The following JAM2 variants were observed in gnomAD, a reference collection of about 807,000 sequenced individuals.
JAM2 encodes the protein junctional adhesion molecule B.
JAM2 carries 17 observed loss-of-function variants against 42.0 expected under a neutral mutation model. The ratio of observed to expected loss-of-function variants is 0.40; its 90% confidence interval spans 0.28 to 0.61. The LOEUF (loss-of-function observed/expected upper bound fraction) is 0.61, where lower values mean the gene tolerates loss of function less well. JAM2 is among the 20% of genes least tolerant of loss of function. The pLI is 0.37. For synonymous variants in JAM2, 118 were observed against 128.6 expected (o/e 0.92, Z 0.56); for missense variants, 319 against 358.3 (o/e 0.89, Z 0.89).
At chr21:25,702,815 A>G (rs2034194622) in intron 6 of JAM2, among the ~76,000 whole-genome samples, 1 of 152,098 alleles carries the variant, frequency 6.6e-6, no homozygotes, top group Non-Finnish European at 1.5e-5. Context: ...TCCTTTATTC[A>G]CATACGTCCC....
chr21:25,677,386 G>A (rs2033523142), intron 1 of JAM2, among the ~76,000 whole-genome samples: 1 of 151,974 alleles, frequency 6.6e-6, no homozygotes, highest in Admixed American at 6.6e-5. Flanking sequence ...AAATGTACAA[G>A]GGAATTAACA....
In JAM2 at chr21:25,715,985, CTTTTTTTTTT is replaced by C. The variant is rs778687865; in HGVS notation, c.*1323_*1332del. Reference sequence around the variant, plus strand: ...ATGAACATGATGGTTAATCTTCTTTCTTTTTTTTTTTTTTTTTTTGAGACGGAGTCTCACT... The same window carrying C: ...ATGAACATGATGGTTAATCTTCTTTCTTTTTTTTTGAGACGGAGTCTCACT... On this transcript the variant is annotated 3_prime_UTR_variant, in exon 10 of 10. Coordinates refer to ENST00000480456, the MANE Select transcript of JAM2 (RefSeq NM_021219.4). The C allele has an allele frequency of 8.5e-6, 1 of 117,256 alleles. No homozygotes were observed. The highest frequency in any genetic ancestry group is 1.7e-5 in the Non-Finnish European group (1 of 58,988). 7.3% of individuals were successfully genotyped at this position (117,256 alleles called of 1,614,324 possible). A position where few individuals can be genotyped will look rare whatever the true frequency, so the allele number is the denominator to read the frequency against.
intron 1 of JAM2, among the ~76,000 whole-genome samples, chr21:25,666,938 A>G (rs1276813194): frequency 6.6e-6 from 1 of 152,234 alleles, no homozygotes; most frequent in African/African-American, 2.4e-5. Flanking sequence ...TTGTTGCAGC[A>G]TAATGTGAAA....
chr21:25,680,527 T>C (rs2033604690), intron 1 of JAM2, among the ~76,000 whole-genome samples: 1 of 152,170 alleles, frequency 6.6e-6, no homozygotes, highest in Non-Finnish European at 1.5e-5. Context: ...GAGATGGGAT[T>C]TGTAAAAATA....
At chr21:25,708,192 G>T (rs1356377664) in intron 7 of JAM2, among the ~76,000 whole-genome samples, 1 of 152,084 alleles carries the variant, frequency 6.6e-6, no homozygotes, top group East Asian at 1.9e-4. Context: ...AATATAAAAT[G>T]TGTTCCTAAT....
At chr21:25,655,861 G>A (rs960513083) in intron 1 of JAM2, among the ~76,000 whole-genome samples, 4 of 150,536 alleles carry the variant, frequency 2.7e-5, no homozygotes, top group Non-Finnish European at 5.9e-5. Context: ...TGCAAATTAT[G>A]TTTGAATAGT....
At chr21:25,690,437 T>C (rs1262157347) in intron 3 of JAM2, among the ~76,000 whole-genome samples, 1 of 152,072 alleles carries the variant, frequency 6.6e-6, no homozygotes, top group Non-Finnish European at 1.5e-5. Flanking sequence ...CAAGTTATCC[T>C]CCCATCTCAG....
chr21:25,672,666 T>G (rs1410855373), intron 1 of JAM2, among the ~76,000 whole-genome samples: 1 of 152,214 alleles, frequency 6.6e-6, no homozygotes, highest in Non-Finnish European at 1.5e-5. Context: ...CAAAGTCTGA[T>G]GCACCATCTC....
In JAM2 at chr21:25,685,935, T is replaced by C. The variant is rs1410395621; in HGVS notation, c.133+1987T>C. On this transcript the variant is annotated intron_variant, in intron 2 of 9. Coordinates refer to ENST00000480456, the MANE Select transcript of JAM2 (RefSeq NM_021219.4). Reference sequence around the variant, plus strand: ...AACTGGGTGCAGTGGATGTATATCCTCTCCCATCATATCTGAGTTAGGACA... The same window carrying C: ...AACTGGGTGCAGTGGATGTATATCCCCTCCCATCATATCTGAGTTAGGACA... Among the ~76,000 whole-genome samples the C allele has an allele frequency of 2.0e-5, 3 of 152,252 alleles. 1 individual carries two copies. The highest frequency in any genetic ancestry group is 6.5e-5 in the Admixed American group (1 of 15,280).
In JAM2 at chr21:25,685,920, A is replaced by C. The variant is rs537216161; in HGVS notation, c.133+1972A>C. On this transcript the variant is annotated intron_variant, in intron 2 of 9. Transcript: ENST00000480456. ...CTTAATGCTGGGTCCAACTGGGTGC[A>C]GTGGATGTATATCCTCTCCCATCAT... Among the ~76,000 whole-genome samples, 3 of 152,374 alleles carry C rather than the reference A, an allele frequency of 2.0e-5. No homozygotes were observed. In the East Asian group the frequency reaches 5.8e-4, roughly 29 times the overall value.
chr21:25,706,176 TTTG>T (rs1294382646), intron 7 of JAM2, 90 bp downstream of exon 7: 8 of 642,584 alleles, frequency 1.2e-5, no homozygotes, highest in Non-Finnish European at 2.0e-5. Context: ...AAGTTGTTTT[TTTG>T]TTTGTTTGTT....
chr21:25,681,076 A>T (rs2033620546), intron 1 of JAM2, among the ~76,000 whole-genome samples: 1 of 152,240 alleles, frequency 6.6e-6, no homozygotes, highest in Non-Finnish European at 1.5e-5. Context: ...TGGTAGCATG[A>T]GTGGAGAAAT....
Position 25,639,611 on chromosome 21 carries a change from T to A in JAM2, c.-211T>A. ...CCAAAACAGAACAGACCCCCATCCC[T>A]GGGCTGGAGGACCCGCCTCTTGGCA... On this transcript the variant is annotated 5_prime_UTR_variant, in exon 1 of 10. Transcript: ENST00000480456. 40 of 466,834 alleles carry A rather than the reference T, an allele frequency of 8.6e-5. No individual in the cohort carries two copies. The highest frequency in any genetic ancestry group is 1.1e-4 in the Non-Finnish European group (29 of 258,970). 28.9% of individuals were successfully genotyped at this position (466,834 alleles called of 1,614,324 possible). A position where few individuals can be genotyped will look rare whatever the true frequency, so the allele number is the denominator to read the frequency against.
intron 6 of JAM2, among the ~76,000 whole-genome samples, chr21:25,703,240 A>C (rs1449304149): frequency 6.6e-6 from 1 of 152,160 alleles, no homozygotes; most frequent in Non-Finnish European, 1.5e-5. Context: ...TTTAATTTAA[A>C]CATCTACCTT....
In JAM2 at chr21:25,715,676, G is replaced by A. The variant is rs529766441; in HGVS notation, c.*1004G>A. ...AAGCTCAGTATGACTCCCTGCATCT[G>A]GTACCCCTCTTGAAACACAGTGGGC... is the stretch of plus-strand genomic sequence containing the variant. On this transcript the variant is annotated 3_prime_UTR_variant, in exon 10 of 10. Transcript: ENST00000480456. 4 of 152,248 alleles carry A rather than the reference G, an allele frequency of 2.6e-5. No individual in the cohort carries two copies. The highest frequency in any genetic ancestry group is 9.6e-5 in the African/African-American group (4 of 41,548). 9.4% of individuals were successfully genotyped at this position (152,248 alleles called of 1,614,324 possible).
intron 1 of JAM2, among the ~76,000 whole-genome samples, chr21:25,677,119 T>G (rs184471043): frequency 3.9e-5 from 6 of 151,994 alleles, no homozygotes; most frequent in African/African-American, 1.4e-4. Context: ...ACGGCTACAC[T>G]AAAAGCCCAG....
At chr21:25,708,732 TTATC>T (rs2034322546) in intron 7 of JAM2, among the ~76,000 whole-genome samples, 1 of 152,222 alleles carries the variant, frequency 6.6e-6, no homozygotes, top group African/African-American at 2.4e-5. Context: ...CTTGTCATCT[TTATC>T]TATAGCCTAA....
chr21:25,712,377 GA>G lies in JAM2; in HGVS notation c.863del (p.Asn288MetfsTer10). On this transcript the variant is annotated frameshift_variant, in exon 9 of 10. Coordinates refer to ENST00000480456, the MANE Select transcript of JAM2 (RefSeq NM_021219.4). LOFTEE classifies it high-confidence loss of function. ...TTCATCTAAAGCCACGACAATGAGT[GA>G]AAATGTGAGTATCTTTAAAGCATAT... ...NSSSKATTMS[E>X]NDFKHTKSFI... 1 of 1,588,748 alleles carries G rather than the reference GA, an allele frequency of 6.3e-7. No homozygotes were observed.
intron 9 of JAM2, chr21:25,714,196 A>G (rs1476540201): frequency 7.7e-7 from 1 of 1,302,424 alleles, no homozygotes; most frequent in Non-Finnish European, 1.0e-6. Context: ...TCCCCATAAA[A>G]CAAGTTTAAT....
Sources: gnomAD v4.1 joint callset for allele counts (sites outside exome capture counted in the v4.1 genomes callset) on GRCh38, gnomAD v4.1.1 for gene constraint, MANE v1.5 for transcripts, NCBI Gene and HGNC (gene_info 2026-07-23, HGNC 2026-07-21) for gene names.